RBFOX1: variants seen among roughly 807,000 people sequenced by gnomAD.
RBFOX1 encodes the protein RNA binding fox-1 homolog 1.
In RBFOX1, 8 loss-of-function variants were observed where a neutral mutation model predicts 57.7. The observed-to-expected ratio is 0.14, with a 90% CI of 0.08 to 0.25. The LOEUF is 0.25. RBFOX1 is among the 10% of genes least tolerant of loss of function. The pLI is 1.00. For synonymous variants in RBFOX1, 326 were observed against 222.4 expected (o/e 1.47, Z -4.15); for missense variants, 611 against 548.5 (o/e 1.11, Z -1.14).
intron 5 of RBFOX1, among the ~76,000 whole-genome samples, chr16:7,531,136 A>C (rs769021167): frequency 2.6e-5 from 4 of 152,204 alleles, no homozygotes; most frequent in Non-Finnish European, 5.9e-5. Flanking sequence ...TTTCTTGTAA[A>C]AATAAAAAAA....
intron 1 of RBFOX1, among the ~76,000 whole-genome samples, chr16:5,447,925 C>G (rs563151658): frequency 6.6e-6 from 1 of 152,296 alleles, no homozygotes; most frequent in African/African-American, 2.4e-5. Context: ...TTTTCCCACT[C>G]ATTCTGTGTA....
At chr16:7,687,256 A>G (rs2076264628) in intron 14 of RBFOX1, among the ~76,000 whole-genome samples, 3 of 152,102 alleles carry the variant, frequency 2.0e-5, no homozygotes, top group Admixed American at 1.3e-4. Flanking sequence ...TGGGATTTGT[A>G]CCATTCTGGA....
Position 6,483,054 on chromosome 16 carries a change from C to T in RBFOX1, c.-64+165997C>T, listed in dbSNP as rs529242594. On this transcript the variant is annotated intron_variant, in intron 2 of 15. Transcript: ENST00000550418. ...AGAGAGGGCGAGCGGCGAGATACCG[C>T]AGCCAGCTCGGAGCTTTGCAAGTGC... 8.9e-4 allele frequency: 749 copies of T among 838,948 alleles called. 1 individual carries two copies. The highest frequency in any genetic ancestry group is 1.0e-3 in the Non-Finnish European group (722 of 693,752). The allele number at this position is 838,948 out of a possible 1,614,324, so 52.0% of individuals were successfully genotyped here.
chr16:6,764,446 G>A (rs943367890), intron 3 of RBFOX1, among the ~76,000 whole-genome samples: 2 of 152,134 alleles, frequency 1.3e-5, no homozygotes, highest in African/African-American at 2.4e-5. Flanking sequence ...AGCTTGATGA[G>A]CACAACTCTT....
chr16:6,837,756 C>G (rs1023259132), intron 3 of RBFOX1, among the ~76,000 whole-genome samples: 7 of 152,166 alleles, frequency 4.6e-5, no homozygotes, highest in African/African-American at 7.2e-5. Context: ...TCCATGAATA[C>G]TTAAAATAAT....
intron 1 of RBFOX1, among the ~76,000 whole-genome samples, chr16:6,293,682 G>A (rs1440173810): frequency 2.6e-5 from 4 of 152,108 alleles, no homozygotes; most frequent in Non-Finnish European, 4.4e-5. Flanking sequence ...AGAGGGGCTA[G>A]TTCAGCCCTC....
intron 1 of RBFOX1, among the ~76,000 whole-genome samples, chr16:6,133,942 CTT>C (rs1057053419): frequency 6.9e-6 from 1 of 145,610 alleles, no homozygotes. Context: ...TCTTTCTTTT[CTT>C]TTTTTTTTTG....
At position 6,572,183 on chromosome 16, in the gene RBFOX1, TATA is replaced by T. The variant is rs536897118; in HGVS notation, c.-63-82416_-63-82414del. On this transcript the variant is annotated intron_variant, in intron 2 of 15. Coordinates refer to ENST00000550418, the MANE Select transcript of RBFOX1 (RefSeq NM_018723.4). ...GTTACTTGATATCCCGTCGTGGAAG[TATA>T]ATATTTATTTAAATATGTTTTGCCT... is the stretch of plus-strand genomic sequence containing the variant. 3.5e-4 allele frequency among the ~76,000 whole-genome samples: 54 copies of T among 152,296 alleles called. 2 individuals are homozygous for T. Among genetic ancestry groups the T allele is most frequent in the Non-Finnish European group, 6.3e-4 (43 of 68,036 alleles).
chr16:7,344,488 T>G lies in RBFOX1; in HGVS notation c.28-173659T>G, dbSNP rs943350407. Among the ~76,000 whole-genome samples the G allele has an allele frequency of 4.0e-5, 6 of 150,712 alleles. No homozygotes were observed. The South Asian group carries it at 1.2e-3, about 31-fold the overall frequency. ...AAATATATAACTACATAATGCCATATAGTTATAGGATAATTATATATAATG... is the reference window on the plus strand; with the variant it reads ...AAATATATAACTACATAATGCCATAGAGTTATAGGATAATTATATATAATG... On this transcript the variant is annotated intron_variant, in intron 4 of 15. Coordinates refer to ENST00000550418, the MANE Select transcript of RBFOX1 (RefSeq NM_018723.4).
chr16:5,581,755 G>C (rs1306819958), intron 2 of RBFOX1, among the ~76,000 whole-genome samples: 1 of 152,204 alleles, frequency 6.6e-6, no homozygotes, highest in Non-Finnish European at 1.5e-5. Flanking sequence ...TGCAGCTCAT[G>C]ACAGGGGCCA....
chr16:7,628,420 G>C (rs1253014228), intron 10 of RBFOX1, among the ~76,000 whole-genome samples: 1 of 152,134 alleles, frequency 6.6e-6, no homozygotes, highest in Non-Finnish European at 1.5e-5. Context: ...AGTACTCATT[G>C]ATAAACACCA....
chr16:7,019,170 A>G (rs2094077924), intron 3 of RBFOX1, among the ~76,000 whole-genome samples: 2 of 151,938 alleles, frequency 1.3e-5, no homozygotes, highest in South Asian at 4.2e-4. Context: ...TATTTCTAAA[A>G]TTTTTTAGGA....
chr16:5,387,755 C>T (rs931178000), intron 1 of RBFOX1, among the ~76,000 whole-genome samples: 10 of 152,122 alleles, frequency 6.6e-5, no homozygotes, highest in Non-Finnish European at 1.2e-4. Flanking sequence ...GGATATGTTA[C>T]GTTCCATGGC....
At chr16:7,309,132 AG>A (rs1194361856) in intron 4 of RBFOX1, among the ~76,000 whole-genome samples, 1 of 152,226 alleles carries the variant, frequency 6.6e-6, no homozygotes, top group Non-Finnish European at 1.5e-5. Flanking sequence ...GATAGAAGAA[AG>A]GTCCCTCAGT....
At chr16:5,835,852 A>G (rs2056440189) in intron 3 of RBFOX1, among the ~76,000 whole-genome samples, 1 of 152,176 alleles carries the variant, frequency 6.6e-6, no homozygotes, top group Admixed American at 6.5e-5. Context: ...CCATGCCCAC[A>G]GGCCTCCCAT....
chr16:5,751,184 C>G (rs9933139), intron 3 of RBFOX1, among the ~76,000 whole-genome samples: 41,158 of 152,022 alleles, frequency 0.27, 6,283 homozygotes, highest in East Asian at 0.6. Flanking sequence ...GTTTGAGGAG[C>G]TCTCCCCGAA....
rs147083975 is a variant in RBFOX1 at position 7,572,771 on chromosome 16, A to G, written c.271-7006A>G. 3.6e-3 allele frequency among the ~76,000 whole-genome samples: 550 copies of G among 152,128 alleles called. 2 individuals carry two copies. Among genetic ancestry groups the G allele is most frequent in the African/African-American group, 0.013 (523 of 41,506 alleles). ...GGAGAATGGCGTGAACCCAGGAGGC[A>G]GAGCTTGCAGTGAGCCAAGATGGAG... On this transcript the variant is annotated intron_variant, in intron 5 of 15. Coordinates refer to ENST00000550418, the MANE Select transcript of RBFOX1 (RefSeq NM_018723.4).
intron 3 of RBFOX1, among the ~76,000 whole-genome samples, chr16:6,744,865 G>C (rs2073196171): frequency 6.6e-6 from 1 of 151,938 alleles, no homozygotes; most frequent in Non-Finnish European, 1.5e-5. Flanking sequence ...CAGGTAGTAG[G>C]CCAAAAATGG....
chr16:5,967,993 C>G (rs1364418668), intron 4 of RBFOX1, among the ~76,000 whole-genome samples: 1 of 152,034 alleles, frequency 6.6e-6, no homozygotes. Flanking sequence ...CTTTATAAAC[C>G]CTCAGTCTTA....
Sources: allele counts gnomAD v4.1 joint callset (sites outside exome capture counted in the v4.1 genomes callset), GRCh38; gene constraint gnomAD v4.1.1; transcripts MANE v1.5; gene names NCBI Gene and HGNC (gene_info 2026-07-23, HGNC 2026-07-21).